Variants in NAALADL2 observed in about 807,000 individuals in gnomAD.
NAALADL2 encodes N-acetylated alpha-linked acidic dipeptidase like 2, also known as inactive N-acetylated-alpha-linked acidic dipeptidase-like protein 2.
NAALADL2 carries 76 observed loss-of-function variants against 87.2 expected under a neutral mutation model. That is an observed-to-expected ratio of 0.87 (90% CI 0.72 to 1.05). NAALADL2 has a LOEUF of 1.05. NAALADL2 is among the 50% of genes least tolerant of loss of function. The pLI, the probability that NAALADL2 is intolerant of heterozygous loss-of-function variation, is 0.00. For missense variants in NAALADL2, 1,089 were observed against 945.8 expected (o/e 1.15, Z -1.99); for synonymous variants, 354 against 331.0 (o/e 1.07, Z -0.75).
intron 1 of NAALADL2, among the ~76,000 whole-genome samples, chr3:174,863,195 C>T (rs756722527): frequency 9.2e-5 from 14 of 152,148 alleles, no homozygotes; most frequent in Admixed American, 6.6e-5. Flanking sequence ...GAGGCCACGT[C>T]TCTAACCTGC....
At chr3:175,288,240 A>T (rs1024658819) in intron 4 of NAALADL2, among the ~76,000 whole-genome samples, 1 of 152,164 alleles carries the variant, frequency 6.6e-6, no homozygotes, top group Non-Finnish European at 1.5e-5. Context: ...GTCAAGCAGG[A>T]AGAATCCTCT....
chr3:175,003,476 A>T (rs1300458391), intron 1 of NAALADL2, among the ~76,000 whole-genome samples: 1 of 152,234 alleles, frequency 6.6e-6, no homozygotes, highest in Non-Finnish European at 1.5e-5. Context: ...GAAGAATGTT[A>T]TGTATGAAAT....
At chr3:175,635,594 A>G (rs16826076) in intron 11 of NAALADL2, among the ~76,000 whole-genome samples, 38,433 of 152,096 alleles carry the variant, frequency 0.25, 5,404 homozygotes, top group African/African-American at 0.39. Flanking sequence ...TTCAGGAAGT[A>G]GAAGTCTCAT....
At chr3:174,788,304 T>C (rs1717046760) in intron 3 of NAALADL2, among the ~76,000 whole-genome samples, 1 of 152,180 alleles carries the variant, frequency 6.6e-6, no homozygotes, top group South Asian at 2.1e-4. Context: ...GTAGTACTGA[T>C]ATGAGGAGAA....
At chr3:174,719,864 C>T (rs1160932196) in intron 2 of NAALADL2, among the ~76,000 whole-genome samples, 8 of 152,078 alleles carry the variant, frequency 5.3e-5, no homozygotes, top group Non-Finnish European at 1.2e-4. Flanking sequence ...CAGCCTGGAG[C>T]GATCTTGGCT....
intron 1 of NAALADL2, among the ~76,000 whole-genome samples, chr3:175,014,130 C>A (rs773930730): frequency 9.2e-5 from 14 of 152,116 alleles, no homozygotes; most frequent in South Asian, 2.1e-4. Flanking sequence ...TGGCGGGTGT[C>A]CATATTATCT....
At chr3:175,223,169 TAATAA>T (rs1743649121) in intron 2 of NAALADL2, among the ~76,000 whole-genome samples, 1 of 151,238 alleles carries the variant, frequency 6.6e-6, no homozygotes, top group Admixed American at 6.6e-5. Flanking sequence ...TTCAAGTAAA[TAATAA>T]AATATTATTA....
At chr3:175,477,373 C>G (rs957645978) in intron 9 of NAALADL2, among the ~76,000 whole-genome samples, 8 of 152,024 alleles carry the variant, frequency 5.3e-5, no homozygotes, top group African/African-American at 1.9e-4. Flanking sequence ...AAAGTCAATT[C>G]AGAATGATGA....
At chr3:175,016,259 TTA>T (rs368712908) in intron 1 of NAALADL2, among the ~76,000 whole-genome samples, 37 of 118,972 alleles carry the variant, frequency 3.1e-4, no homozygotes, top group Admixed American at 7.3e-4. Context: ...GATAAATTAT[TTA>T]TATATATATA....
intron 1 of NAALADL2, among the ~76,000 whole-genome samples, chr3:174,499,335 T>C (rs987479742): frequency 2.0e-5 from 3 of 152,260 alleles, no homozygotes; most frequent in Middle Eastern, 3.4e-3. Flanking sequence ...AGTTATCAGA[T>C]ACATAATTTG....
intron 5 of NAALADL2, among the ~76,000 whole-genome samples, chr3:175,411,918 C>A (rs1380719901): frequency 6.6e-6 from 1 of 151,970 alleles, no homozygotes; most frequent in African/African-American, 2.4e-5. Context: ...TATTCTACAA[C>A]TTCCAAGCAG....
At chr3:175,714,224 A>G (rs1582987171) in intron 11 of NAALADL2, among the ~76,000 whole-genome samples, 1 of 152,280 alleles carries the variant, frequency 6.6e-6, no homozygotes, top group East Asian at 1.9e-4. Context: ...AGAATGATTT[A>G]TAATCCTTTG....
chr3:175,117,499 G>C (rs185657140), intron 2 of NAALADL2, among the ~76,000 whole-genome samples: 3,107 of 152,038 alleles, frequency 0.02, 51 homozygotes, highest in Admixed American at 0.031. Context: ...GCAGCCAACA[G>C]ACACATGAAA....
chr3:175,631,923 C>T (rs538082151), intron 11 of NAALADL2, among the ~76,000 whole-genome samples: 53 of 152,180 alleles, frequency 3.5e-4, no homozygotes, highest in African/African-American at 1.1e-3. Context: ...ATAGTCCCAA[C>T]ATTCAGCAAG....
At chr3:175,018,524 G>A (rs1047080036) in intron 1 of NAALADL2, among the ~76,000 whole-genome samples, 2 of 152,060 alleles carry the variant, frequency 1.3e-5, no homozygotes, top group African/African-American at 4.8e-5. Flanking sequence ...CTTGTAAACA[G>A]ATGGGAAATA....
rs148136754 is a variant in NAALADL2, at chr3:175,503,564, C to T, written c.1653+31806C>T. ...TGCCACTAGCAATGTGTAAGTGTTCCTCTTTTCTCTACAACCTCACTAGTA... is the reference window on the plus strand; with the variant it reads ...TGCCACTAGCAATGTGTAAGTGTTCTTCTTTTCTCTACAACCTCACTAGTA... On this transcript the variant is annotated intron_variant, in intron 9 of 13. Transcript: ENST00000454872. Among the ~76,000 whole-genome samples, 909 of 152,230 alleles carry T rather than the reference C, an allele frequency of 6.0e-3. 6 individuals are homozygous for T. The highest frequency in any genetic ancestry group is 9.3e-3 in the Non-Finnish European group (630 of 68,000).
At chr3:174,841,671 A>G (rs1724037684) in intron 3 of NAALADL2, among the ~76,000 whole-genome samples, 1 of 152,204 alleles carries the variant, frequency 6.6e-6, no homozygotes, top group Non-Finnish European at 1.5e-5. Context: ...TTTTGAGGAA[A>G]TACATTTTTC....
chr3:175,133,326 T>C (rs373935039), intron 2 of NAALADL2, among the ~76,000 whole-genome samples: 230 of 151,946 alleles, frequency 1.5e-3, no homozygotes, highest in African/African-American at 5.3e-3. Context: ...GGGTGGCGGC[T>C]GGGCAGAGGC....
intron 2 of NAALADL2, among the ~76,000 whole-genome samples, chr3:174,696,593 TAAAAAAAAAA>T (rs62946360): frequency 1.8e-5 from 2 of 110,524 alleles, no homozygotes; most frequent in African/African-American, 3.8e-5. Flanking sequence ...TGTAGTTATC[TAAAAAAAAAA>T]AAAAAAAAAA....
Sources: allele counts gnomAD v4.1 joint callset (sites outside exome capture counted in the v4.1 genomes callset), GRCh38; gene constraint gnomAD v4.1.1; transcripts MANE v1.5; gene names NCBI Gene and HGNC (gene_info 2026-07-23, HGNC 2026-07-21).